The following SEL1L variants were observed in gnomAD, a reference collection of about 807,000 sequenced individuals.
The protein encoded by SEL1L is protein sel-1 homolog 1.
A neutral mutation model predicts 109.8 loss-of-function variants in SEL1L; 52 were observed. The observed-to-expected ratio is 0.47, with a 90% CI of 0.38 to 0.60. The LOEUF (loss-of-function observed/expected upper bound fraction) is 0.60. SEL1L is among the 20% of genes least tolerant of loss of function. SEL1L has a pLI of 0.00. For synonymous variants in SEL1L, 373 were observed against 339.6 expected (o/e 1.10, Z -1.08); for missense variants, 749 against 962.2 (o/e 0.78, Z 2.93).
intron 12 of SEL1L, among the ~76,000 whole-genome samples, chr14:81,491,504 T>C (rs1388755104): frequency 6.6e-6 from 1 of 152,248 alleles, no homozygotes; most frequent in Non-Finnish European, 1.5e-5. Flanking sequence ...CCAAGTTCTA[T>C]GCTATGGAAC....
Position 81,490,161 on chromosome 14 carries a change from C to T in SEL1L, c.1332+227G>A, listed in dbSNP as rs184417628. ...CAGTATTTCCCCGATTAGGAAACTT[C>T]TCAGTGAAACTTCACAATTAAAAAT... On this transcript the variant is annotated intron_variant, in intron 13 of 20. Transcript: ENST00000336735. 1.1e-4 allele frequency among the ~76,000 whole-genome samples: 17 copies of T among 152,326 alleles called. No homozygotes were observed. The East Asian group carries it at 3.3e-3, about 29-fold the overall frequency.
intron 19 of SEL1L, 150 bp from the exon 20 acceptor site, chr14:81,479,890 G>C (rs1485701698): frequency 1.9e-5 from 13 of 686,750 alleles, no homozygotes; most frequent in Middle Eastern, 4.0e-4. Context: ...GCTTTACTTG[G>C]GTAAAATTCG....
chr14:81,528,823 T>G (rs768859294), intron 1 of SEL1L, among the ~76,000 whole-genome samples: 1 of 152,148 alleles, frequency 6.6e-6, no homozygotes, highest in Non-Finnish European at 1.5e-5. Context: ...ATCCTAAATA[T>G]CATTTGTAAT....
At chr14:81,531,835 C>T (rs764625312) in intron 1 of SEL1L, among the ~76,000 whole-genome samples, 5 of 152,230 alleles carry the variant, frequency 3.3e-5, no homozygotes, top group Middle Eastern at 3.4e-3. Context: ...GAGCTGGGCC[C>T]GCACAGGTGT....
At chr14:81,502,939 G>T (rs1014787570) in intron 5 of SEL1L, 56 bp from the exon 6 acceptor site, 3 of 1,441,324 alleles carry the variant, frequency 2.1e-6, no homozygotes, top group Non-Finnish European at 2.8e-6. Flanking sequence ...CTGCCATTAA[G>T]TTTTTTTGAT....
At chr14:81,520,661 G>C (rs1285919386) in intron 3 of SEL1L, among the ~76,000 whole-genome samples, 1 of 152,128 alleles carries the variant, frequency 6.6e-6, no homozygotes, top group African/African-American at 2.4e-5. Context: ...AATCACCTTA[G>C]AAATATGGTA....
chr14:81,510,472 A>ATCTCTCTCTCTCTC (rs374089460), intron 3 of SEL1L, among the ~76,000 whole-genome samples: 21 of 118,914 alleles, frequency 1.8e-4, no homozygotes, highest in South Asian at 3.1e-4. Flanking sequence ...TAGAATGCTG[A>ATCTCTCTCTCTCTC]TCTCTCTCTC....
chr14:81,498,134 T>C (rs575096687), intron 9 of SEL1L, 88 bp from the exon 10 acceptor site: 84 of 1,329,406 alleles, frequency 6.3e-5, no homozygotes, highest in African/African-American at 4.5e-4. Context: ...CTGCCAAACG[T>C]TGACGAACAC....
intron 18 of SEL1L, 101 bp downstream of exon 18, chr14:81,485,571 C>T (rs889723486): frequency 2.5e-5 from 26 of 1,031,176 alleles, no homozygotes; most frequent in African/African-American, 1.6e-5. Context: ...GGGTTACAGG[C>T]GTGAGCCACA....
At chr14:81,515,388 G>A (rs1315409353) in intron 3 of SEL1L, among the ~76,000 whole-genome samples, 1 of 152,220 alleles carries the variant, frequency 6.6e-6, no homozygotes, top group Non-Finnish European at 1.5e-5. Context: ...GGCCTTTAAT[G>A]AAAAGAATGC....
At chr14:81,496,192 C>T (rs1215811252) in intron 10 of SEL1L, among the ~76,000 whole-genome samples, 1 of 151,452 alleles carries the variant, frequency 6.6e-6, no homozygotes, top group Non-Finnish European at 1.5e-5. Context: ...GGCATGGTAG[C>T]GGGTGCCTGT....
At position 81,475,198 on chromosome 14, in the gene SEL1L, C is replaced by T. The variant is rs999799568; in HGVS notation, c.*1774G>A. Reference sequence around the variant, plus strand: ...CATGTAAGAGACCAAACAAGTCTCACTATTTACAAGAGTTGCCTAAAGCAA... The same window carrying T: ...CATGTAAGAGACCAAACAAGTCTCATTATTTACAAGAGTTGCCTAAAGCAA... On this transcript the variant is annotated 3_prime_UTR_variant, in exon 21 of 21. Transcript: ENST00000336735. 4 of 152,188 alleles carry T rather than the reference C, an allele frequency of 2.6e-5. No homozygotes were observed. The highest frequency in any genetic ancestry group is 5.9e-5 in the Non-Finnish European group (4 of 68,028). 9.4% of individuals were successfully genotyped at this position (152,188 alleles called of 1,614,324 possible). A position where few individuals can be genotyped will look rare whatever the true frequency, so the allele number is the denominator to read the frequency against.
intron 19 of SEL1L, among the ~76,000 whole-genome samples, chr14:81,483,697 T>C (rs77653609): frequency 0.07 from 10,602 of 152,226 alleles, 1,146 homozygotes; most frequent in African/African-American, 0.24. Context: ...TTAAAATAGC[T>C]GGAACTTAGA....
intron 8 of SEL1L, chr14:81,499,023 A>G: frequency 1.4e-6 from 1 of 707,332 alleles, no homozygotes; most frequent in Non-Finnish European, 1.7e-6. Flanking sequence ...AAATAACTCC[A>G]TGAATTTTAA....
chr14:81,487,289 A>T, intron 16 of SEL1L, 101 bp downstream of exon 16: 2 of 1,163,758 alleles, frequency 1.7e-6, no homozygotes, highest in Non-Finnish European at 2.3e-6. Flanking sequence ...CTGAGTCTAG[A>T]ACTACAGAAG....
At chr14:81,485,635 C>T in intron 18 of SEL1L, 37 bp downstream of exon 18, 5 of 1,544,598 alleles carry the variant, frequency 3.2e-6, no homozygotes, top group South Asian at 2.2e-5. Context: ...TAGGGAGGTC[C>T]CTGGGTGAAA....
chr14:81,499,674 G>A lies in SEL1L; in HGVS notation c.778-12C>T, dbSNP rs1168602379. 1 of 1,597,520 alleles carries A rather than the reference G, an allele frequency of 6.3e-7. No homozygotes were observed. Among genetic ancestry groups the A allele is most frequent in the Non-Finnish European group, 8.5e-7 (1 of 1,175,594 alleles). On this transcript the variant is annotated splice_polypyrimidine_tract_variant and intron_variant, in intron 6 of 20. Coordinates refer to ENST00000336735, the MANE Select transcript of SEL1L (RefSeq NM_005065.6). Reference sequence around the variant, plus strand: ...AGAAAGCCAAGAGCCTGAAATAGATGATAAAAGTAAGAAATCTTGCTTTGG... The same window carrying A: ...AGAAAGCCAAGAGCCTGAAATAGATAATAAAAGTAAGAAATCTTGCTTTGG...
intron 3 of SEL1L, among the ~76,000 whole-genome samples, chr14:81,510,141 C>G (rs906234104): frequency 6.6e-6 from 1 of 152,128 alleles, no homozygotes; most frequent in Non-Finnish European, 1.5e-5. Context: ...GAAAAGAACA[C>G]TAGTGAGGGG....
At chr14:81,484,474 T>C in intron 18 of SEL1L, 77 bp from the exon 19 acceptor site, 1 of 1,312,572 alleles carries the variant, frequency 7.6e-7, no homozygotes, top group Non-Finnish European at 1.1e-6. Flanking sequence ...TCTCCTCCCA[T>C]TGACATGCTT....
Sources: allele counts gnomAD v4.1 joint callset (sites outside exome capture counted in the v4.1 genomes callset), GRCh38; gene constraint gnomAD v4.1.1; transcripts MANE v1.5; gene names NCBI Gene and HGNC (gene_info 2026-07-23, HGNC 2026-07-21).